CRB1: variants seen among roughly 807,000 people sequenced by gnomAD.
The protein encoded by CRB1 is protein crumbs homolog 1.
CRB1 carries 83 observed loss-of-function variants against 120.0 expected under a neutral mutation model. The observed-to-expected ratio is 0.69, with a 90% CI of 0.58 to 0.83. The LOEUF is 0.83. Ranked by LOEUF, CRB1 falls within the 40% of genes least tolerant of loss-of-function variation. The probability of loss-of-function intolerance (pLI) is 0.00; values close to 1 mark genes in which losing one functional copy is unlikely to be tolerated. For synonymous variants in CRB1, 625 were observed against 612.5 expected (o/e 1.02, Z -0.30); for missense variants, 1,699 against 1,687.6 (o/e 1.01, Z -0.12).
intron 5 of CRB1, among the ~76,000 whole-genome samples, chr1:197,405,963 C>A (rs1190804978): frequency 6.7e-6 from 1 of 149,618 alleles, no homozygotes; most frequent in Non-Finnish European, 1.5e-5. Flanking sequence ...GGGGGGTCAG[C>A]CCCCCGCCCG....
chr1:197,223,637 G>A, the CRB1 span, among the ~76,000 whole-genome samples: 12 of 152,116 alleles, frequency 7.9e-5, no homozygotes, highest in Admixed American at 7.9e-4. Context: ...CACAGCATAG[G>A]TGAAAATCAT....
chr1:197,331,421 A>G (rs2125308812), intron 2 of CRB1, among the ~76,000 whole-genome samples: 1 of 152,348 alleles, frequency 6.6e-6, no homozygotes, highest in African/African-American at 2.4e-5. Context: ...TGTCAATACT[A>G]TCTAAAAGTT....
rs562717358 is a variant in CRB1, at chr1:197,303,622, GA to G, written c.71-24791del. Among the ~76,000 whole-genome samples, 21 of 147,806 alleles carry G rather than the reference GA, an allele frequency of 1.4e-4. No homozygotes were observed. In the South Asian group the frequency reaches 2.5e-3, roughly 18 times the overall value. ...TCAAATATCATGAAATTCAGACCCTGAAAAAAAAATAAGCGACTTGTCCTAG... is the reference window on the plus strand; with the variant it reads ...TCAAATATCATGAAATTCAGACCCTGAAAAAAAATAAGCGACTTGTCCTAG... On this transcript the variant is annotated intron_variant, in intron 1 of 11. Transcript: ENST00000367400.
intron 5 of CRB1, among the ~76,000 whole-genome samples, chr1:197,379,756 G>A (rs565665623): frequency 6.6e-6 from 1 of 152,014 alleles, no homozygotes; most frequent in East Asian, 1.9e-4. Context: ...GATATAATAA[G>A]TTTCATAAGA....
intron 5 of CRB1, among the ~76,000 whole-genome samples, chr1:197,384,475 G>A (rs1356217203): frequency 5.3e-5 from 8 of 152,090 alleles, no homozygotes; most frequent in East Asian, 1.9e-4. Context: ...GTTTGCAAGC[G>A]TTTCCGTTTA....
chr1:197,358,654 C>A (rs551541406), intron 5 of CRB1, among the ~76,000 whole-genome samples: 1 of 152,164 alleles, frequency 6.6e-6, no homozygotes, highest in Non-Finnish European at 1.5e-5. Context: ...CTATGTTTTT[C>A]CCCCGCTTCA....
Position 197,287,688 on chromosome 1 carries a change from A to T in CRB1, c.70+19206A>T, listed in dbSNP as rs566022147. Among the ~76,000 whole-genome samples, 4 of 151,968 alleles carry T rather than the reference A, an allele frequency of 2.6e-5. No homozygotes were observed. The South Asian group carries it at 8.3e-4, about 32-fold the overall frequency. On this transcript the variant is annotated intron_variant, in intron 1 of 11. Transcript: ENST00000367400. ...TTATCCAAGGATGGCTCACAAATAG[A>T]ATTATTCTACTCATGAAGGAAAAAG...
upstream of CRB1, among the ~76,000 whole-genome samples, chr1:197,264,566 G>C (rs748173016): frequency 2.0e-5 from 3 of 150,128 alleles, no homozygotes; most frequent in Non-Finnish European, 4.4e-5. Flanking sequence ...TTCCGTAAAG[G>C]TTGTACCAAT....
At chr1:197,250,971 C>T in the CRB1 span, among the ~76,000 whole-genome samples, 1 of 151,954 alleles carries the variant, frequency 6.6e-6, no homozygotes, top group Non-Finnish European at 1.5e-5. Context: ...ACTTGGTAGT[C>T]CTTACTTTAT....
At chr1:197,446,726 A>G (rs1403577063) in intron 11 of CRB1, among the ~76,000 whole-genome samples, 5 of 152,232 alleles carry the variant, frequency 3.3e-5, no homozygotes, top group African/African-American at 1.2e-4. Context: ...ATATAGTTGT[A>G]GAGAAGATAG....
the CRB1 span, among the ~76,000 whole-genome samples, chr1:197,206,680 G>A: frequency 4.6e-5 from 7 of 152,104 alleles, no homozygotes; most frequent in Admixed American, 3.9e-4. Flanking sequence ...CTGTCTTGGA[G>A]AATGTACCAT....
intron 5 of CRB1, among the ~76,000 whole-genome samples, chr1:197,398,004 T>C (rs1662859645): frequency 6.6e-6 from 1 of 152,144 alleles, no homozygotes; most frequent in Admixed American, 6.5e-5. Context: ...CTCTGAGATG[T>C]CCATCCTAAC....
intron 5 of CRB1, among the ~76,000 whole-genome samples, chr1:197,368,643 C>A (rs1661206953): frequency 6.6e-6 from 1 of 152,162 alleles, no homozygotes; most frequent in Non-Finnish European, 1.5e-5. Context: ...TGTTTGTAGA[C>A]CCTATGACAG....
chr1:197,288,426 C>T (rs616675), intron 1 of CRB1, among the ~76,000 whole-genome samples: 130,691 of 151,828 alleles, frequency 0.86, 56,733 homozygotes, highest in East Asian at 1. Context: ...CTTAAAAGAA[C>T]CAAACTGTTT....
chr1:197,409,486 T>C (rs996756767), intron 5 of CRB1, among the ~76,000 whole-genome samples: 1 of 152,230 alleles, frequency 6.6e-6, no homozygotes, highest in Non-Finnish European at 1.5e-5. Context: ...TATTGTCCTA[T>C]GCTCTATAGA....
In CRB1 at chr1:197,427,456, T is replaced by C; in HGVS notation, c.2131T>C (p.Tyr711His). 1 of 1,613,474 alleles carries C rather than the reference T, an allele frequency of 6.2e-7. No homozygotes were observed. The highest frequency in any genetic ancestry group is 8.5e-7 in the Non-Finnish European group (1 of 1,179,772). ...PYEGPNCLRE[Y>H]VAGRFGQDDS... ...CCTCCTCTATTTTGACATTGAAGAG[T>C]ATGTGGCAGGCAGATTTGGCCAGGA... is the stretch of plus-strand genomic sequence containing the variant. Residue 711 changes from tyrosine (Y) to histidine (H), a missense_variant and splice_region_variant, in exon 7 of 12, where the codon TAT becomes CAT. Tyr to His is a moderately conservative substitution (Grantham distance 83, BLOSUM62 2). Coordinates refer to ENST00000367400, the MANE Select transcript of CRB1 (RefSeq NM_201253.3).
the CRB1 span, among the ~76,000 whole-genome samples, chr1:197,232,099 G>T: frequency 7.2e-5 from 11 of 152,146 alleles, no homozygotes; most frequent in African/African-American, 2.7e-4. Context: ...GGAAGTAGGG[G>T]TTGGAATGAT....
chr1:197,214,706 A>G, the CRB1 span, among the ~76,000 whole-genome samples: 1 of 152,190 alleles, frequency 6.6e-6, no homozygotes, highest in African/African-American at 2.4e-5. Context: ...ACAACAAAGG[A>G]AAGTCCAGGA....
At chr1:197,323,949 A>G (rs1658349810) in intron 1 of CRB1, among the ~76,000 whole-genome samples, 1 of 152,194 alleles carries the variant, frequency 6.6e-6, no homozygotes, top group Admixed American at 6.6e-5. Context: ...ATGATCAGAA[A>G]TTATATATAA....
Sources: gnomAD v4.1 joint callset for allele counts (sites outside exome capture counted in the v4.1 genomes callset) on GRCh38, gnomAD v4.1.1 for gene constraint, MANE v1.5 for transcripts, NCBI Gene and HGNC (gene_info 2026-07-23, HGNC 2026-07-21) for gene names.